CHRM3: variants seen among roughly 807,000 people sequenced by gnomAD.
The protein encoded by CHRM3 is cholinergic receptor muscarinic 3, also known as muscarinic acetylcholine receptor M3.
A neutral mutation model predicts 41.8 loss-of-function variants in CHRM3; 11 were observed. The ratio of observed to expected loss-of-function variants is 0.26; its 90% CI spans 0.17 to 0.44. CHRM3 has a LOEUF of 0.44. Ranked by LOEUF, CHRM3 falls within the 20% of genes least tolerant of loss-of-function variation. CHRM3 has a pLI of 1.00. For missense variants in CHRM3, 571 were observed against 745.4 expected (o/e 0.77, Z 2.72); for synonymous variants, 297 against 301.4 (o/e 0.99, Z 0.15).
chr1:239,596,082 A>ACTT (rs1572846480), intron 3 of CHRM3, among the ~76,000 whole-genome samples: 1 of 152,198 alleles, frequency 6.6e-6, no homozygotes, highest in Non-Finnish European at 1.5e-5. Flanking sequence ...TTTATACCTA[A>ACTT]CATTTGTTCC....
intron 6 of CHRM3, among the ~76,000 whole-genome samples, chr1:239,852,749 G>C (rs1572490944): frequency 1.3e-5 from 2 of 152,130 alleles, no homozygotes; most frequent in Admixed American, 6.6e-5. Flanking sequence ...TAGTGCTGAC[G>C]TAGTTCATGG....
chr1:239,616,803 G>A (rs775008032), intron 3 of CHRM3, among the ~76,000 whole-genome samples: 2 of 147,030 alleles, frequency 1.4e-5, no homozygotes, highest in Non-Finnish European at 3.0e-5. Context: ...TCAAAATGTG[G>A]TATTTGAAGA....
intron 5 of CHRM3, among the ~76,000 whole-genome samples, chr1:239,788,494 A>G (rs942032853): frequency 2.0e-5 from 3 of 152,246 alleles, no homozygotes; most frequent in Non-Finnish European, 4.4e-5. Context: ...GGCCAGGCAC[A>G]GTGGCTGACA....
chr1:239,498,810 A>G (rs1668040055), intron 2 of CHRM3, among the ~76,000 whole-genome samples: 1 of 152,156 alleles, frequency 6.6e-6, no homozygotes, highest in Non-Finnish European at 1.5e-5. Flanking sequence ...AACTTTAATA[A>G]ATGAGTACTA....
intron 5 of CHRM3, among the ~76,000 whole-genome samples, chr1:239,769,417 C>T (rs777943701): frequency 2.6e-5 from 4 of 152,284 alleles, no homozygotes; most frequent in Middle Eastern, 3.4e-3. Context: ...CAGAGAGCCC[C>T]AAGATGTTCT....
chr1:239,845,404 A>G (rs759030470), intron 6 of CHRM3, among the ~76,000 whole-genome samples: 5 of 152,192 alleles, frequency 3.3e-5, no homozygotes, highest in Non-Finnish European at 5.9e-5. Flanking sequence ...TTTTTAAATG[A>G]AGATATTTAC....
At chr1:239,666,373 G>A (rs1403295170) in intron 4 of CHRM3, among the ~76,000 whole-genome samples, 2 of 143,940 alleles carry the variant, frequency 1.4e-5, no homozygotes, top group African/African-American at 5.2e-5. Flanking sequence ...TTTTTTTTTA[G>A]TAGGGCTGGG....
At chr1:239,511,289 G>C (rs1192449881) in intron 2 of CHRM3, among the ~76,000 whole-genome samples, 1 of 152,182 alleles carries the variant, frequency 6.6e-6, no homozygotes, top group Non-Finnish European at 1.5e-5. Context: ...TAAGTCATCT[G>C]TAGCTATGCA....
intron 1 of CHRM3, among the ~76,000 whole-genome samples, chr1:239,491,495 C>A (rs1667550741): frequency 6.6e-6 from 1 of 152,222 alleles, no homozygotes; most frequent in South Asian, 2.1e-4. Flanking sequence ...CTCCAAGCTC[C>A]ATGTTGCCAT....
At chr1:239,685,577 C>T (rs1319831359) in intron 5 of CHRM3, among the ~76,000 whole-genome samples, 1 of 152,100 alleles carries the variant, frequency 6.6e-6, no homozygotes, top group Non-Finnish European at 1.5e-5. Flanking sequence ...AATCCCAGTC[C>T]CTTGGGAGGC....
chr1:239,540,180 A>C (rs1217946504), intron 2 of CHRM3, among the ~76,000 whole-genome samples: 1 of 152,344 alleles, frequency 6.6e-6, no homozygotes, highest in Non-Finnish European at 1.5e-5. Context: ...TAAGTGAGGC[A>C]TAACTGTATA....
intron 4 of CHRM3, among the ~76,000 whole-genome samples, chr1:239,638,802 C>T (rs1273502111): frequency 6.6e-6 from 1 of 152,040 alleles, no homozygotes; most frequent in Admixed American, 6.6e-5. Flanking sequence ...CTTTTGTTGC[C>T]ATTGCTTTTG....
At chr1:239,549,497 A>G (rs1659609194) in intron 3 of CHRM3, among the ~76,000 whole-genome samples, 1 of 55,372 alleles carries the variant, frequency 1.8e-5, no homozygotes, top group South Asian at 5.6e-4. Context: ...TAAAAATACA[A>G]AAAAAAAAAA....
chr1:239,910,367 A>G lies in CHRM3; in HGVS notation c.*1143A>G, dbSNP rs1451854790. 1 of 164,660 alleles carries G rather than the reference A, an allele frequency of 6.1e-6. No individual in the cohort carries two copies. Among genetic ancestry groups the G allele is most frequent in the Non-Finnish European group, 1.5e-5 (1 of 67,822 alleles). 10.2% of individuals were successfully genotyped at this position (164,660 alleles called of 1,614,324 possible). A position where few individuals can be genotyped will look rare whatever the true frequency, so the allele number is the denominator to read the frequency against. Reference sequence around the variant, plus strand: ...CAAAAAAAAAAACATGGTAAGAGAGAATGAAGGAGAACATTGTGTTTGATT... The same window carrying G: ...CAAAAAAAAAAACATGGTAAGAGAGGATGAAGGAGAACATTGTGTTTGATT... On this transcript the variant is annotated 3_prime_UTR_variant, in exon 7 of 7. Coordinates refer to ENST00000676153, the MANE Select transcript of CHRM3 (RefSeq NM_001375978.1).
intron 3 of CHRM3, among the ~76,000 whole-genome samples, chr1:239,561,433 T>C (rs938502879): frequency 2.6e-5 from 4 of 152,110 alleles, no homozygotes; most frequent in Admixed American, 2.0e-4. Flanking sequence ...TGAGATGCTA[T>C]TTTCTCAGAT....
chr1:239,810,976 T>C (rs778444400), intron 5 of CHRM3, among the ~76,000 whole-genome samples: 8 of 152,258 alleles, frequency 5.3e-5, no homozygotes, highest in Non-Finnish European at 1.2e-4. Flanking sequence ...ATAAGTTTTG[T>C]CTCTAAAAGC....
At chr1:239,899,377 A>G (rs1421644533) in intron 6 of CHRM3, among the ~76,000 whole-genome samples, 1 of 149,930 alleles carries the variant, frequency 6.7e-6, no homozygotes, top group East Asian at 1.9e-4. Context: ...ACATATATAC[A>G]TATATAAACA....
rs537571227 is a variant in CHRM3 at position 239,639,147 on chromosome 1, T to C, written c.-250+6861T>C. On this transcript the variant is annotated intron_variant, in intron 4 of 6. Coordinates refer to ENST00000676153, the MANE Select transcript of CHRM3 (RefSeq NM_001375978.1). ...TATCTCTGTTTTGGTACCAGTACCA[T>C]GCTGTTTTGGTTACTGTAGCCTTGT... 4.4e-3 allele frequency among the ~76,000 whole-genome samples: 675 copies of C among 152,252 alleles called. 9 individuals carry two copies. Among genetic ancestry groups the C allele is most frequent in the African/African-American group, 0.015 (619 of 41,534 alleles).
chr1:239,420,807 GAAAGA>G (rs1359097191), intron 1 of CHRM3, among the ~76,000 whole-genome samples: 1 of 151,902 alleles, frequency 6.6e-6, no homozygotes, highest in Non-Finnish European at 1.5e-5. Flanking sequence ...TATTTTTAAG[GAAAGA>G]AAAGAAAATG....
Sources: allele counts gnomAD v4.1 joint callset (sites outside exome capture counted in the v4.1 genomes callset), GRCh38; gene constraint gnomAD v4.1.1; transcripts MANE v1.5; gene names NCBI Gene and HGNC (gene_info 2026-07-23, HGNC 2026-07-21).